Variants in BTG4 observed in about 807,000 individuals in gnomAD.
BTG4 encodes the protein BTG anti-proliferation factor 4, also known as protein BTG4.
A neutral mutation model predicts 19.3 loss-of-function variants in BTG4; 10 were observed. That is an observed-to-expected ratio of 0.52 (90% CI 0.32 to 0.88). BTG4 has a LOEUF of 0.88. Ranked by LOEUF, BTG4 falls within the 40% of genes least tolerant of loss-of-function variation. The probability of loss-of-function intolerance (pLI) is 0.04; values close to 1 mark genes in which losing one functional copy is unlikely to be tolerated. For missense variants in BTG4, 238 were observed against 281.9 expected (o/e 0.84, Z 1.11); for synonymous variants, 91 against 95.7 (o/e 0.95, Z 0.29).
chr11:111,434,814 G>C, the BTG4 span, among the ~76,000 whole-genome samples: 1 of 152,106 alleles, frequency 6.6e-6, no homozygotes, highest in Admixed American at 6.5e-5. Flanking sequence ...ACCCATCCAG[G>C]AAGAAATAAG....
chr11:111,392,793 C>T, the BTG4 span, among the ~76,000 whole-genome samples: 2,673 of 152,250 alleles, frequency 0.018, 70 homozygotes, highest in African/African-American at 0.06. Flanking sequence ...CCCAGACCTG[C>T]GAGTCAAGTG....
downstream of BTG4, among the ~76,000 whole-genome samples, chr11:111,467,240 A>G (rs1005290763): frequency 6.6e-6 from 1 of 152,250 alleles, no homozygotes; most frequent in Non-Finnish European, 1.5e-5. Context: ...CACAGTGGTT[A>G]CATAAACTTA....
At chr11:111,438,549 G>A in the BTG4 span, among the ~76,000 whole-genome samples, 1 of 152,130 alleles carries the variant, frequency 6.6e-6, no homozygotes, top group Non-Finnish European at 1.5e-5. Flanking sequence ...AGTTATCTGG[G>A]TAAACATCTT....
At chr11:111,420,745 T>A in the BTG4 span, among the ~76,000 whole-genome samples, 1 of 152,248 alleles carries the variant, frequency 6.6e-6, no homozygotes, top group Non-Finnish European at 1.5e-5. Flanking sequence ...CACATTTTTA[T>A]TGAGCACCTA....
the BTG4 span, chr11:111,416,707 C>T: frequency 6.6e-6 from 1 of 152,244 alleles, no homozygotes; most frequent in Non-Finnish European, 1.5e-5. Context: ...ACCGCCTACC[C>T]TGTCACCGTG....
chr11:111,507,136 C>T (rs1866512390), intron 1 of BTG4, among the ~76,000 whole-genome samples: 2 of 151,026 alleles, frequency 1.3e-5, no homozygotes, highest in South Asian at 2.1e-4. Flanking sequence ...TAAGCAGACA[C>T]AGAGTGATGT....
the BTG4 span, among the ~76,000 whole-genome samples, chr11:111,438,948 A>G: frequency 1.5e-3 from 232 of 152,186 alleles, 3 homozygotes; most frequent in Non-Finnish European, 2.1e-3. Flanking sequence ...CACATTAAAC[A>G]TATTTTCAAA....
the BTG4 span, among the ~76,000 whole-genome samples, chr11:111,427,376 C>A: frequency 6.6e-6 from 1 of 152,312 alleles, no homozygotes; most frequent in South Asian, 2.1e-4. Flanking sequence ...CATGGCCGCT[C>A]ACCCAGCACT....
chr11:111,513,693 G>GT (rs199711167), upstream of BTG4, among the ~76,000 whole-genome samples: 933 of 149,814 alleles, frequency 6.2e-3, 11 homozygotes, highest in African/African-American at 0.019. Flanking sequence ...GTTTTGTTTT[G>GT]TTTTTTTTTC....
the BTG4 span, among the ~76,000 whole-genome samples, chr11:111,433,763 A>G: frequency 6.6e-6 from 1 of 152,258 alleles, no homozygotes; most frequent in Non-Finnish European, 1.5e-5. Context: ...ACATGTCTCA[A>G]AAGAAGACAT....
intron 1 of BTG4, among the ~76,000 whole-genome samples, chr11:111,501,908 G>A (rs1247614447): frequency 6.6e-6 from 1 of 152,090 alleles, no homozygotes; most frequent in African/African-American, 2.4e-5. Context: ...ATTCAATTTA[G>A]TAAATATTTA....
the BTG4 span, among the ~76,000 whole-genome samples, chr11:111,402,835 C>G: frequency 6.6e-6 from 1 of 151,504 alleles, no homozygotes; most frequent in Non-Finnish European, 1.5e-5. Flanking sequence ...AAAGGTCTAA[C>G]TGTGTTTTCA....
chr11:111,424,613 C>T, the BTG4 span, among the ~76,000 whole-genome samples: 2 of 152,180 alleles, frequency 1.3e-5, no homozygotes, highest in Non-Finnish European at 2.9e-5. Context: ...TATTAATAAA[C>T]CAAGCCTGCA....
the BTG4 span, among the ~76,000 whole-genome samples, chr11:111,413,243 C>T: frequency 5.9e-5 from 9 of 152,364 alleles, no homozygotes; most frequent in East Asian, 1.7e-3. Flanking sequence ...TCACAAAGTC[C>T]TTTTATACCT....
chr11:111,511,670 A>G (rs1395239987), intron 1 of BTG4, among the ~76,000 whole-genome samples: 2 of 152,190 alleles, frequency 1.3e-5, no homozygotes, highest in Non-Finnish European at 2.9e-5. Flanking sequence ...GGGGAAGGAA[A>G]GTTATTAGCA....
Position 111,495,249 on chromosome 11 carries a change from G to A in BTG4, c.576C>T (p.Asp192=), listed in dbSNP as rs752636903. 21 of 1,611,836 alleles carry A rather than the reference G, an allele frequency of 1.3e-5. No individual in the cohort carries two copies. The highest frequency in any genetic ancestry group is 5.4e-5 in the African/African-American group (4 of 74,752). Residue 192 remains aspartate, a synonymous_variant, in exon 5 of 5, where the codon GAC becomes GAT. Transcript: ENST00000692032. The stretch of plus-strand genomic sequence containing the variant: ...TGTTTCCCAGGAGGCCAACACGGCC[G>A]TCCACCACATTCTTTTTGCGGGGGA... ...LQIPRKKNVV[D]GRVGLLGNTY... is the part of the protein sequence containing the mutation.
chr11:111,401,355 G>A, the BTG4 span, among the ~76,000 whole-genome samples: 36,313 of 151,504 alleles, frequency 0.24, 4,574 homozygotes, highest in East Asian at 0.29. Flanking sequence ...TGGTGGAGGC[G>A]CCTGTAGTCC....
the BTG4 span, among the ~76,000 whole-genome samples, chr11:111,413,918 G>A: frequency 6.6e-6 from 1 of 152,290 alleles, no homozygotes; most frequent in African/African-American, 2.4e-5. Context: ...TATTACAACT[G>A]GCGTAGCTCC....
chr11:111,423,814 G>A, the BTG4 span, among the ~76,000 whole-genome samples: 1 of 152,158 alleles, frequency 6.6e-6, no homozygotes, highest in Non-Finnish European at 1.5e-5. Flanking sequence ...TACACATAAA[G>A]ACCACTTTCT....
Sources: gnomAD v4.1 joint callset for allele counts (sites outside exome capture counted in the v4.1 genomes callset) on GRCh38, gnomAD v4.1.1 for gene constraint, MANE v1.5 for transcripts, NCBI Gene and HGNC (gene_info 2026-07-23, HGNC 2026-07-21) for gene names.